The following COL23A1 variants were observed in gnomAD, a reference collection of about 807,000 sequenced individuals.
COL23A1 encodes collagen type XXIII alpha 1 chain.
COL23A1 carries 97 observed loss-of-function variants against 99.3 expected under a neutral mutation model. The observed-to-expected ratio is 0.98, with a 90% CI of 0.83 to 1.16. COL23A1 has a LOEUF of 1.16. Among genes scored for constraint, COL23A1 ranks in the 50% most tolerant of loss-of-function variants. COL23A1 has a pLI of 0.00. For synonymous variants in COL23A1, 320 were observed against 308.2 expected, an observed-to-expected ratio of 1.04 and a Z score of -0.40; for missense variants, 762 against 757.4, an observed-to-expected ratio of 1.01 and a Z score of -0.07.
At chr5:178,294,243 C>A (rs926649564) in intron 3 of COL23A1, among the ~76,000 whole-genome samples, 2 of 150,158 alleles carry the variant, frequency 1.3e-5, no homozygotes, top group African/African-American at 5.0e-5. Flanking sequence ...CTACCGAGCT[C>A]CCTCCCCAAA....
chr5:178,259,780 G>GGGGGT, intron 11 of COL23A1, 33 bp from the exon 12 acceptor site: 2 of 1,591,340 alleles, frequency 1.3e-6, no homozygotes, highest in Non-Finnish European at 1.7e-6. Flanking sequence ...CAAGAGCAAG[G>GGGGGT]TCAAAACCAT....
intron 9 of COL23A1, 70 bp downstream of exon 9, chr5:178,263,138 G>A: frequency 9.1e-7 from 1 of 1,102,114 alleles, no homozygotes; most frequent in African/African-American, 1.5e-5. Flanking sequence ...TGGGGATGGG[G>A]CTGGCTCTGG....
At position 178,543,852 on chromosome 5, in the gene COL23A1, G is replaced by A. The variant is rs117019798; in HGVS notation, c.361+16830C>T. Among the ~76,000 whole-genome samples the A allele has an allele frequency of 1.8e-4, 27 of 152,328 alleles. No homozygotes were observed. The East Asian group carries it at 5.2e-3, about 29-fold the overall frequency. On this transcript the variant is annotated intron_variant, in intron 2 of 28. Transcript: ENST00000390654. ...TGGGTGGCCTACAAACAAGGACAAT[G>A]TATTGCTCACAGTTCTGGAGGCTGT...
chr5:178,429,668 A>C (rs1472414614), intron 2 of COL23A1, among the ~76,000 whole-genome samples: 1 of 151,994 alleles, frequency 6.6e-6, no homozygotes, highest in Non-Finnish European at 1.5e-5. Flanking sequence ...TCGCCTGGAC[A>C]CTGCACACTC....
intron 2 of COL23A1, among the ~76,000 whole-genome samples, chr5:178,521,760 C>A (rs909572474): frequency 1.3e-5 from 2 of 152,160 alleles, no homozygotes; most frequent in Non-Finnish European, 2.9e-5. Flanking sequence ...CAAATGGCTA[C>A]TTATTTTATG....
At position 178,248,200 on chromosome 5, in the gene COL23A1, C is replaced by G. The variant is rs765080034; in HGVS notation, c.1204G>C (p.Glu402Gln). ...KGESASDSLQ[E>Q]SLAQLIVEPG... ...CCCCCATACCCCCTTACCAGGCTCTCCTGTAGGCTGTCAGACGCCGACTCC... is the reference window on the plus strand; with the variant it reads ...CCCCCATACCCCCTTACCAGGCTCTGCTGTAGGCTGTCAGACGCCGACTCC... The change falls in exon 20 of 29, where the codon GAG becomes CAG. Residue 402 changes from glutamate to glutamine, a missense_variant. Transcript: ENST00000390654. 4 of 1,605,194 alleles carry G rather than the reference C, an allele frequency of 2.5e-6. No homozygotes were observed. Among genetic ancestry groups the G allele is most frequent in the African/African-American group, 2.7e-5 (2 of 74,802 alleles).
chr5:178,409,350 T>C (rs1408736915), intron 2 of COL23A1, among the ~76,000 whole-genome samples: 1 of 152,226 alleles, frequency 6.6e-6, no homozygotes, highest in Non-Finnish European at 1.5e-5. Flanking sequence ...TAAAACATTC[T>C]TAAAATGACA....
chr5:178,355,736 C>T (rs1312844730), intron 2 of COL23A1, among the ~76,000 whole-genome samples: 4 of 152,150 alleles, frequency 2.6e-5, no homozygotes, highest in Admixed American at 6.5e-5. Flanking sequence ...ATGATCCGCC[C>T]GCCTCGGCCT....
intron 2 of COL23A1, among the ~76,000 whole-genome samples, chr5:178,521,039 G>T (rs1362656946): frequency 6.6e-6 from 1 of 152,214 alleles, no homozygotes; most frequent in Non-Finnish European, 1.5e-5. Flanking sequence ...GCTACGTGGT[G>T]TAGCCTATTG....
chr5:178,555,299 C>A (rs894704815), intron 2 of COL23A1, among the ~76,000 whole-genome samples: 1 of 152,152 alleles, frequency 6.6e-6, no homozygotes, highest in Admixed American at 6.5e-5. Flanking sequence ...CTTCAAGATA[C>A]GAATATGGGA....
chr5:178,358,505 ATGTGTGTATG>A (rs1236590789), intron 2 of COL23A1, among the ~76,000 whole-genome samples: 4 of 104,142 alleles, frequency 3.8e-5, no homozygotes, highest in African/African-American at 1.0e-4. Flanking sequence ...ATGCGTGTAT[ATGTGTGTATG>A]TGTGTATGTA....
chr5:178,315,762 CT>C (rs34604670), intron 2 of COL23A1, among the ~76,000 whole-genome samples: 5,554 of 96,666 alleles, frequency 0.057, 145 homozygotes, highest in African/African-American at 0.12. Context: ...GAAGCACTGA[CT>C]TTTTTTTTTT....
intron 2 of COL23A1, among the ~76,000 whole-genome samples, chr5:178,505,382 T>C (rs1365216541): frequency 6.6e-6 from 1 of 152,134 alleles, no homozygotes; most frequent in African/African-American, 2.4e-5. Context: ...TCTGAGTACC[T>C]GGGATTACAG....
At chr5:178,358,536 G>T (rs1001988696) in intron 2 of COL23A1, among the ~76,000 whole-genome samples, 3 of 142,052 alleles carry the variant, frequency 2.1e-5, no homozygotes, top group African/African-American at 8.0e-5. Context: ...TGTCTAGTGT[G>T]TGTATGTGTG....
In COL23A1 at chr5:178,238,618, ATCAATATATTACTG is replaced by A; in HGVS notation, c.*66_*79del. The A allele has an allele frequency of 6.4e-7, 1 of 1,562,486 alleles. No individual in the cohort carries two copies. The highest frequency in any genetic ancestry group is 8.8e-7 in the Non-Finnish European group (1 of 1,136,006). ...CAGGTAGCGCATTCCATGAAAAAAG[ATCAATATATTACTG>A]TTTTGTTTTTACAAAAATTAAAAAT... On this transcript the variant is annotated 3_prime_UTR_variant, in exon 29 of 29. Coordinates refer to ENST00000390654, the MANE Select transcript of COL23A1 (RefSeq NM_173465.4).
intron 2 of COL23A1, among the ~76,000 whole-genome samples, chr5:178,529,367 C>T (rs552182163): frequency 6.6e-6 from 1 of 151,878 alleles, no homozygotes; most frequent in African/African-American, 2.4e-5. Flanking sequence ...GGCGTGAAGC[C>T]CAGAGTCAGT....
chr5:178,285,597 G>A (rs1757108432), intron 5 of COL23A1, among the ~76,000 whole-genome samples: 1 of 152,190 alleles, frequency 6.6e-6, no homozygotes, highest in South Asian at 2.1e-4. Flanking sequence ...CACAGGACTG[G>A]AAATGGCCTC....
chr5:178,547,536 AACACACCC>A (rs1562076565), intron 2 of COL23A1, among the ~76,000 whole-genome samples: 1 of 47,704 alleles, frequency 2.1e-5, no homozygotes, highest in Non-Finnish European at 3.9e-5. Flanking sequence ...CACACCCACA[AACACACCC>A]ACACACCCCC....
intron 2 of COL23A1, among the ~76,000 whole-genome samples, chr5:178,333,163 G>A (rs964989225): frequency 6.6e-6 from 1 of 151,950 alleles, no homozygotes; most frequent in Non-Finnish European, 1.5e-5. Context: ...TCACCATCTT[G>A]GCCAGGCTGG....
Sources: allele counts gnomAD v4.1 joint callset (sites outside exome capture counted in the v4.1 genomes callset), GRCh38; gene constraint gnomAD v4.1.1; transcripts MANE v1.5; gene names NCBI Gene and HGNC (gene_info 2026-07-23, HGNC 2026-07-21).